Variants in PTPRG observed in about 807,000 individuals in gnomAD.
PTPRG encodes the protein receptor-type tyrosine-protein phosphatase gamma.
PTPRG carries 102 observed loss-of-function variants against 165.3 expected under a neutral mutation model. That is an observed-to-expected ratio of 0.62 (90% CI 0.53 to 0.73). PTPRG has a LOEUF of 0.73. Ranked by LOEUF, PTPRG falls within the 30% of genes least tolerant of loss-of-function variation. PTPRG has a pLI of 0.00. For missense variants in PTPRG, 1,866 were observed against 1,861.4 expected (o/e 1.00, Z -0.05); for synonymous variants, 675 against 669.5 (o/e 1.01, Z -0.13).
intron 5 of PTPRG, among the ~76,000 whole-genome samples, chr3:62,112,272 T>C (rs996201302): frequency 2.0e-5 from 3 of 152,116 alleles, no homozygotes; most frequent in African/African-American, 7.2e-5. Context: ...GCGCAGCTAA[T>C]TTTTGTATTT....
At chr3:61,771,342 AG>A (rs1348083245) in intron 2 of PTPRG, 1 of 151,142 alleles carries the variant, frequency 6.6e-6, no homozygotes, top group Non-Finnish European at 1.5e-5. Context: ...TGCAGAAAAC[AG>A]GGGGTTGAGA....
At chr3:62,265,896 T>TATATATACACAC (rs1553662684) in intron 17 of PTPRG, among the ~76,000 whole-genome samples, 2 of 130,528 alleles carry the variant, frequency 1.5e-5, no homozygotes, top group African/African-American at 5.8e-5. Context: ...GTGCCTTATA[T>TATATATACACAC]ACACACACAC....
chr3:62,216,367 C>T (rs769397099), intron 12 of PTPRG, among the ~76,000 whole-genome samples: 73 of 152,160 alleles, frequency 4.8e-4, no homozygotes, highest in Admixed American at 2.6e-4. Context: ...TGTAGCAGCA[C>T]AGGCAAGAAT....
At chr3:62,025,280 T>A (rs2107769399) in intron 4 of PTPRG, among the ~76,000 whole-genome samples, 1 of 152,350 alleles carries the variant, frequency 6.6e-6, no homozygotes, top group South Asian at 2.1e-4. Context: ...GATGCAGATG[T>A]GTTAATGTTA....
rs80229829 is a variant in PTPRG, at chr3:62,155,848, C to T, written c.683-1219C>T. ...GGTATGAGGCTTGGGAATGATATTC[C>T]TGTAGCCTCAGGTGTGTCTATGAGG... On this transcript the variant is annotated intron_variant, in intron 6 of 29. Transcript: ENST00000474889. 6.0e-4 allele frequency among the ~76,000 whole-genome samples: 92 copies of T among 152,194 alleles called. No individual in the cohort carries two copies. In the East Asian group the frequency reaches 0.016, roughly 27 times the overall value.
intron 2 of PTPRG, among the ~76,000 whole-genome samples, chr3:61,882,103 C>T (rs948839978): frequency 6.6e-6 from 1 of 152,154 alleles, no homozygotes; most frequent in African/African-American, 2.4e-5. Flanking sequence ...AAAGAAAATA[C>T]ATGTCAAGTC....
At chr3:62,108,215 G>A (rs1285562995) in intron 5 of PTPRG, among the ~76,000 whole-genome samples, 1 of 150,902 alleles carries the variant, frequency 6.6e-6, no homozygotes, top group East Asian at 1.9e-4. Flanking sequence ...CCCGCAACAG[G>A]CCCCGGTGTG....
intron 1 of PTPRG, among the ~76,000 whole-genome samples, chr3:61,747,483 C>G (rs2033256833): frequency 1.3e-5 from 2 of 152,178 alleles, no homozygotes; most frequent in Admixed American, 6.5e-5. Context: ...TAAATGACAT[C>G]AGGTTTACTT....
At chr3:62,292,127 A>C (rs543094201) in intron 28 of PTPRG, among the ~76,000 whole-genome samples, 3 of 152,142 alleles carry the variant, frequency 2.0e-5, no homozygotes, top group African/African-American at 7.2e-5. Flanking sequence ...CTCATCACCA[A>C]CACCAAATCA....
At chr3:62,261,884 T>G (rs973713764) in intron 16 of PTPRG, 9 of 152,178 alleles carry the variant, frequency 5.9e-5, no homozygotes, top group African/African-American at 2.2e-4. Flanking sequence ...AGGCAACTCC[T>G]TTGTGGAAAA....
intron 1 of PTPRG, among the ~76,000 whole-genome samples, chr3:61,632,450 A>G (rs1283450119): frequency 1.3e-5 from 2 of 152,210 alleles, no homozygotes; most frequent in African/African-American, 4.8e-5. Context: ...TTTCTAGAGA[A>G]AGAAATCACT....
chr3:61,840,638 G>GGGT (rs1326715064), intron 2 of PTPRG, among the ~76,000 whole-genome samples: 1 of 152,008 alleles, frequency 6.6e-6, no homozygotes, highest in Non-Finnish European at 1.5e-5. Flanking sequence ...GGCACTCTGT[G>GGGT]GGTGGGTACA....
chr3:61,833,507 C>T (rs1250156829), intron 2 of PTPRG, among the ~76,000 whole-genome samples: 2 of 152,154 alleles, frequency 1.3e-5, no homozygotes, highest in Admixed American at 6.5e-5. Flanking sequence ...CTGGTGAATC[C>T]TTTATCCCCA....
intron 2 of PTPRG, among the ~76,000 whole-genome samples, chr3:61,849,608 T>C (rs1575720033): frequency 6.6e-6 from 1 of 152,342 alleles, no homozygotes; most frequent in South Asian, 2.1e-4. Flanking sequence ...TAGGTGATGA[T>C]GCAGTGTGAG....
chr3:61,574,739 G>A (rs772993563), intron 1 of PTPRG, among the ~76,000 whole-genome samples: 19 of 152,174 alleles, frequency 1.2e-4, no homozygotes, highest in African/African-American at 2.7e-4. Context: ...TGGGAAGTTC[G>A]AGGGCACGGC....
At position 62,083,203 on chromosome 3, in the gene PTPRG, A is replaced by G. The variant is rs1246930549; in HGVS notation, c.615+4945A>G. Among the ~76,000 whole-genome samples the G allele has an allele frequency of 4.6e-5, 7 of 152,118 alleles. No individual in the cohort carries two copies. In the East Asian group the frequency reaches 1.3e-3, roughly 29 times the overall value. ...AATTTGAATGCCTGTGAAAATATAAAATATCAGAAGTTATTATTTGGTTGG... is the reference window on the plus strand; with the variant it reads ...AATTTGAATGCCTGTGAAAATATAAGATATCAGAAGTTATTATTTGGTTGG... On this transcript the variant is annotated intron_variant, in intron 5 of 29. Transcript: ENST00000474889.
chr3:61,891,523 C>T (rs527688950), intron 2 of PTPRG, among the ~76,000 whole-genome samples: 1 of 152,150 alleles, frequency 6.6e-6, no homozygotes, highest in Non-Finnish European at 1.5e-5. Context: ...TCATTCATAG[C>T]CATTTTTTGG....
In PTPRG at chr3:62,222,836, C is replaced by T. The variant is rs139134433; in HGVS notation, c.2288+3853C>T. Among the ~76,000 whole-genome samples the T allele has an allele frequency of 6.6e-6, 1 of 152,142 alleles. No individual in the cohort carries two copies. Among genetic ancestry groups the T allele is most frequent in the African/African-American group, 2.4e-5 (1 of 41,418 alleles). On this transcript the variant is annotated intron_variant, in intron 13 of 29. Transcript: ENST00000474889. This position sits in a 1 kb window ranked among gnomAD's most constrained non-coding sequence, Gnocchi z 4.5. ...CTGGTGGGCCTAGAGATTTAGAGAT[C>T]AGGTCCCTTGGCCCTCACAGTCCAT...
intron 2 of PTPRG, among the ~76,000 whole-genome samples, chr3:61,802,782 G>A (rs2035287487): frequency 6.6e-6 from 1 of 152,092 alleles, no homozygotes; most frequent in South Asian, 2.1e-4. Flanking sequence ...GCCATTATGA[G>A]AAGGCCAGTT....
Sources: allele counts gnomAD v4.1 joint callset (sites outside exome capture counted in the v4.1 genomes callset), GRCh38; gene constraint gnomAD v4.1.1; non-coding constraint Gnocchi (gnomAD v3.1); transcripts MANE v1.5; gene names NCBI Gene and HGNC (gene_info 2026-07-23, HGNC 2026-07-21).